The following CFAP77 variants were observed in gnomAD, a reference collection of about 807,000 sequenced individuals.
CFAP77 encodes the protein cilia and flagella associated protein 77.
A neutral mutation model predicts 31.1 loss-of-function variants in CFAP77; 25 were observed. That is an observed-to-expected ratio of 0.80 (90% CI 0.59 to 1.12). The LOEUF (loss-of-function observed/expected upper bound fraction) is 1.12, where lower values mean the gene tolerates loss of function less well. Among genes scored for constraint, CFAP77 ranks in the 50% most tolerant of loss-of-function variants. The pLI, the probability that CFAP77 is intolerant of heterozygous loss-of-function variation, is 0.00. For synonymous variants in CFAP77, 151 were observed against 159.9 expected, an observed-to-expected ratio of 0.94 and a Z score of 0.42; for missense variants, 377 against 397.3, an observed-to-expected ratio of 0.95 and a Z score of 0.44.
In CFAP77 at chr9:132,451,890, C is replaced by T. The variant is rs527472826; in HGVS notation, c.195+41424C>T. On this transcript the variant is annotated intron_variant, in intron 1 of 5. Coordinates refer to ENST00000393216, the MANE Select transcript of CFAP77 (RefSeq NM_001282957.2). ...TGTGATCTCGGCTCACTGCAACTTC[C>T]GCCTCCTGGATTCAAGCGATTCTCC... Among the ~76,000 whole-genome samples the T allele has an allele frequency of 5.3e-5, 8 of 149,938 alleles. No individual in the cohort carries two copies. In the East Asian group the frequency reaches 5.9e-4, roughly 11 times the overall value.
intron 1 of CFAP77, among the ~76,000 whole-genome samples, chr9:132,468,809 A>ACACG (rs113183746): frequency 0.062 from 9,247 of 149,246 alleles, 330 homozygotes; most frequent in Middle Eastern, 0.1. Flanking sequence ...ACACACACAC[A>ACACG]CGCACGCACA....
intron 1 of CFAP77, among the ~76,000 whole-genome samples, chr9:132,446,576 T>TA (rs1299326736): frequency 6.6e-6 from 1 of 151,426 alleles, no homozygotes; most frequent in Non-Finnish European, 1.5e-5. Flanking sequence ...CCGTCTCTAC[T>TA]AAAAAATACA....
chr9:132,539,174 T>C lies in CFAP77; in HGVS notation c.630+1468T>C, dbSNP rs915411092. 3.3e-5 allele frequency among the ~76,000 whole-genome samples: 5 copies of C among 152,194 alleles called. No homozygotes were observed. The highest frequency in any genetic ancestry group is 7.2e-5 in the African/African-American group (3 of 41,464). On this transcript the variant is annotated intron_variant, in intron 4 of 5. Coordinates refer to ENST00000393216, the MANE Select transcript of CFAP77 (RefSeq NM_001282957.2). The surrounding 1 kb of genome is among the most constrained non-coding windows in gnomAD (Gnocchi z 4.3). ...AACTCGAGCTTTCAGAGAGATCAGA[T>C]TGGCCTCCTCGGCAGTAGGTCCAGA...
At chr9:132,544,461 G>T (rs560652859) in intron 5 of CFAP77, among the ~76,000 whole-genome samples, 2 of 150,740 alleles carry the variant, frequency 1.3e-5, no homozygotes, top group African/African-American at 4.9e-5. Flanking sequence ...CTCCATCCTG[G>T]CCCTGGCTGT....
At chr9:132,486,836 G>A (rs1851568617) in intron 1 of CFAP77, among the ~76,000 whole-genome samples, 1 of 152,288 alleles carries the variant, frequency 6.6e-6, no homozygotes, top group Non-Finnish European at 1.5e-5. Flanking sequence ...CTGATTTCAA[G>A]CTGTCGAGGG....
chr9:132,571,049 T>TCC (rs1829951938), intron 5 of CFAP77, among the ~76,000 whole-genome samples: 1 of 152,044 alleles, frequency 6.6e-6, no homozygotes, highest in South Asian at 2.1e-4. Context: ...TCATCCTCTC[T>TCC]CCCCACATTT....
chr9:132,483,223 A>T (rs1006458883), intron 1 of CFAP77, among the ~76,000 whole-genome samples: 3 of 152,158 alleles, frequency 2.0e-5, no homozygotes, highest in African/African-American at 7.2e-5. Context: ...GTGAGCCAAG[A>T]TCGCACCATT....
intron 1 of CFAP77, among the ~76,000 whole-genome samples, chr9:132,492,616 G>A (rs185554412): frequency 4.6e-5 from 7 of 152,332 alleles, no homozygotes; most frequent in African/African-American, 9.6e-5. Context: ...AGGACCCTCC[G>A]GCTGTCCATG....
chr9:132,518,987 A>G (rs1852197723), intron 3 of CFAP77, among the ~76,000 whole-genome samples: 1 of 152,142 alleles, frequency 6.6e-6, no homozygotes, highest in Non-Finnish European at 1.5e-5. Context: ...CTGTAAAGTG[A>G]GGATATTGAT....
intron 3 of CFAP77, among the ~76,000 whole-genome samples, chr9:132,503,468 G>A (rs753782661): frequency 9.2e-5 from 14 of 152,152 alleles, no homozygotes; most frequent in East Asian, 1.9e-4. Flanking sequence ...AGCTCTCCAC[G>A]TCACATTCCC....
intron 3 of CFAP77, among the ~76,000 whole-genome samples, chr9:132,537,345 A>AT (rs1296083227): frequency 6.6e-6 from 1 of 152,100 alleles, no homozygotes; most frequent in South Asian, 2.1e-4. Context: ...CCTAGTGAGA[A>AT]AGAGCTCAGA....
intron 3 of CFAP77, among the ~76,000 whole-genome samples, chr9:132,503,240 C>A (rs1308030424): frequency 6.6e-6 from 1 of 152,246 alleles, no homozygotes; most frequent in East Asian, 1.9e-4. Context: ...TGCTGCTGAT[C>A]CAGCTCCTCT....
intron 1 of CFAP77, among the ~76,000 whole-genome samples, chr9:132,451,980 A>G (rs1418529066): frequency 1.3e-5 from 2 of 151,340 alleles, no homozygotes; most frequent in Non-Finnish European, 2.9e-5. Flanking sequence ...AATTTTTTAT[A>G]TTTTTAGTAG....
At chr9:132,523,899 C>G (rs767628038) in intron 3 of CFAP77, among the ~76,000 whole-genome samples, 13 of 152,198 alleles carry the variant, frequency 8.5e-5, no homozygotes, top group Non-Finnish European at 1.6e-4. Context: ...CCGCCACCCC[C>G]ACTCCCAGGC....
intron 1 of CFAP77, among the ~76,000 whole-genome samples, chr9:132,469,180 CA>C (rs796906217): frequency 1.8e-4 from 28 of 152,270 alleles, no homozygotes; most frequent in African/African-American, 6.7e-4. Flanking sequence ...GCCGGAGTAC[CA>C]GGGGCGGAGA....
chr9:132,449,537 G>T (rs72765872), intron 1 of CFAP77, among the ~76,000 whole-genome samples: 4,202 of 152,008 alleles, frequency 0.028, 66 homozygotes, highest in Non-Finnish European at 0.042. Flanking sequence ...TCATTGCCAA[G>T]AAGTTTTCCA....
intron 5 of CFAP77, among the ~76,000 whole-genome samples, chr9:132,570,207 T>C (rs1470906270): frequency 6.6e-6 from 1 of 152,208 alleles, no homozygotes; most frequent in Non-Finnish European, 1.5e-5. Flanking sequence ...CTTGTGAGGC[T>C]ACTTGGACAT....
intron 5 of CFAP77, among the ~76,000 whole-genome samples, chr9:132,544,245 G>A (rs997676630): frequency 5.3e-5 from 8 of 152,180 alleles, no homozygotes; most frequent in Non-Finnish European, 7.3e-5. Flanking sequence ...CCGTCAGTGC[G>A]CTGCCTCCGT....
At chr9:132,515,495 T>C (rs1258672833) in intron 3 of CFAP77, among the ~76,000 whole-genome samples, 1 of 152,240 alleles carries the variant, frequency 6.6e-6, no homozygotes, top group South Asian at 2.1e-4. Context: ...GAATTATTTT[T>C]ATTTTTTTCT....
Sources: gnomAD v4.1 joint callset for allele counts (sites outside exome capture counted in the v4.1 genomes callset) on GRCh38, gnomAD v4.1.1 for gene constraint, Gnocchi (gnomAD v3.1) non-coding constraint, MANE v1.5 for transcripts, NCBI Gene and HGNC (gene_info 2026-07-23, HGNC 2026-07-21) for gene names.